Variants in GMFB observed in about 807,000 individuals in gnomAD.
GMFB encodes GMF-beta.
GMFB carries 13 observed loss-of-function variants against 25.6 expected under a neutral mutation model. The observed-to-expected ratio is 0.51, with a 90% CI of 0.33 to 0.81. GMFB has a LOEUF of 0.81. Ranked by LOEUF, GMFB falls within the 30% of genes least tolerant of loss-of-function variation. The pLI is 0.02. For missense variants in GMFB, 146 were observed against 175.4 expected (o/e 0.83, Z 0.95); for synonymous variants, 57 against 56.9 (o/e 1.00, Z 0.00).
At chr14:54,484,096 A>G in intron 1 of GMFB, 1 of 374,482 alleles carries the variant, frequency 2.7e-6, no homozygotes, top group South Asian at 2.3e-5. Flanking sequence ...GAAAGTCAAG[A>G]ATCACTGTCT....
At position 54,474,801 on chromosome 14, in the gene GMFB, C is replaced by T. The variant is rs776436368; in HGVS notation, c.*3287G>A. On this transcript the variant is annotated 3_prime_UTR_variant, in exon 7 of 7. Transcript: ENST00000358056. ...TTATAATCCAAAAAGCAATAAAATA[C>T]AATTTCTATCACAAGTTTACTGTAT... The T allele has an allele frequency of 2.0e-5, 3 of 152,588 alleles. No individual in the cohort carries two copies. Among genetic ancestry groups the T allele is most frequent in the Non-Finnish European group, 2.9e-5 (2 of 68,024 alleles). 9.5% of individuals were successfully genotyped at this position (152,588 alleles called of 1,614,324 possible).
intron 1 of GMFB, among the ~76,000 whole-genome samples, chr14:54,486,645 C>G (rs928410862): frequency 1.3e-5 from 2 of 152,180 alleles, no homozygotes; most frequent in Non-Finnish European, 2.9e-5. Flanking sequence ...TAATAGTTAA[C>G]ATGTATCAGA....
Position 54,474,499 on chromosome 14 carries a change from C to T in GMFB, c.*3589G>A, listed in dbSNP as rs1180902870. On this transcript the variant is annotated 3_prime_UTR_variant, in exon 7 of 7. Transcript: ENST00000358056. ...AAAGCTGGAAGTCTTTTAATGTTAA[C>T]ATTTTATTTAAACCAGTACAAGCAC... 2 of 152,572 alleles carry T rather than the reference C, an allele frequency of 1.3e-5. No homozygotes were observed. Among genetic ancestry groups the T allele is most frequent in the African/African-American group, 4.8e-5 (2 of 41,444 alleles). The allele number at this position is 152,572 out of a possible 1,614,324, so 9.5% of individuals were successfully genotyped here.
intron 5 of GMFB, 121 bp downstream of exon 5, chr14:54,480,753 C>T (rs1001555804): frequency 1.6e-5 from 10 of 628,970 alleles, no homozygotes; most frequent in Non-Finnish European, 1.7e-5. Flanking sequence ...TAGACACAGA[C>T]CCTCCTCAAT....
At chr14:54,484,783 A>G (rs978022449) in intron 1 of GMFB, among the ~76,000 whole-genome samples, 11 of 152,218 alleles carry the variant, frequency 7.2e-5, no homozygotes, top group Admixed American at 1.3e-4. Flanking sequence ...AAAATCCTTA[A>G]CAAAATACTA....
intron 1 of GMFB, among the ~76,000 whole-genome samples, chr14:54,488,380 AAAGAT>A (rs2031817891): frequency 6.6e-6 from 1 of 152,256 alleles, no homozygotes; most frequent in African/African-American, 2.4e-5. Flanking sequence ...ATAGGAAAGC[AAAGAT>A]AAGGAGAAAT....
chr14:54,488,059 A>G (rs2031812706), intron 1 of GMFB, among the ~76,000 whole-genome samples: 1 of 152,194 alleles, frequency 6.6e-6, no homozygotes, highest in South Asian at 2.1e-4. Flanking sequence ...CGAAAACTGA[A>G]AAGAATCCAT....
chr14:54,485,210 A>G (rs2031765787), intron 1 of GMFB, among the ~76,000 whole-genome samples: 1 of 152,138 alleles, frequency 6.6e-6, no homozygotes, highest in Non-Finnish European at 1.5e-5. Flanking sequence ...AAAGACATCC[A>G]AGTTAGAAAA....
At chr14:54,482,935 A>T (rs2031732101) in intron 2 of GMFB, among the ~76,000 whole-genome samples, 3 of 152,082 alleles carry the variant, frequency 2.0e-5, no homozygotes. Context: ...CCATATGTCG[A>T]CATTGCAGTA....
intron 5 of GMFB, chr14:54,480,138 T>C (rs374721333): frequency 6.7e-6 from 2 of 297,944 alleles, no homozygotes; most frequent in South Asian, 5.3e-5. Flanking sequence ...AATTAAAAAC[T>C]TTCTGCACTA....
rs1357266479 is a variant in GMFB, at chr14:54,480,938, A to G, written c.219T>C (p.Tyr73=). Reference sequence around the variant, plus strand: ...CTCTTCCATCATCATGTTGATATTTATAACTATACACAATGAAGGTTTTTC... The same window carrying G: ...CTCTTCCATCATCATGTTGATATTTGTAACTATACACAATGAAGGTTTTTC... ...ERQPRFIVYS[Y]KYQHDDGRVS... Residue 73 remains tyrosine, a synonymous_variant, in exon 5 of 7, where the codon TAT becomes TAC. Transcript: ENST00000358056. The G allele has an allele frequency of 2.0e-6, 3 of 1,505,046 alleles. No individual in the cohort carries two copies. The highest frequency in any genetic ancestry group is 2.8e-6 in the Non-Finnish European group (3 of 1,088,986). The allele number at this position is 1,505,046 out of a possible 1,614,324, so 93.2% of individuals were successfully genotyped here.
rs764555434 is a variant in GMFB, at chr14:54,477,297, C to T, written c.*791G>A. 6.6e-6 allele frequency: 1 copy of T among 152,376 alleles called. No individual in the cohort carries two copies. Among genetic ancestry groups the T allele is most frequent in the African/African-American group, 2.4e-5 (1 of 41,390 alleles). 9.4% of individuals were successfully genotyped at this position (152,376 alleles called of 1,614,324 possible). A position where few individuals can be genotyped will look rare whatever the true frequency, so the allele number is the denominator to read the frequency against. Reference sequence around the variant, plus strand: ...CTTTAAAGCTAACAAATCAAAGGCACAGTATTAACACATTTAAAATAATTA... The same window carrying T: ...CTTTAAAGCTAACAAATCAAAGGCATAGTATTAACACATTTAAAATAATTA... On this transcript the variant is annotated 3_prime_UTR_variant, in exon 7 of 7. Coordinates refer to ENST00000358056, the MANE Select transcript of GMFB (RefSeq NM_004124.3).
rs2031643834 is a variant in GMFB, at chr14:54,476,630, C to G, written c.*1458G>C. On this transcript the variant is annotated 3_prime_UTR_variant, in exon 7 of 7. Transcript: ENST00000358056. ...TAGTGAAGCCAAACAGTGTTGGGAA[C>G]AGAAGATGTTCTATTCAATATCGCA... 1 of 152,020 alleles carries G rather than the reference C, an allele frequency of 6.6e-6. No homozygotes were observed. Among genetic ancestry groups the G allele is most frequent in the South Asian group, 2.1e-4 (1 of 4,838 alleles). 9.4% of individuals were successfully genotyped at this position (152,020 alleles called of 1,614,324 possible). A position where few individuals can be genotyped will look rare whatever the true frequency, so the allele number is the denominator to read the frequency against.
In GMFB at chr14:54,480,376, C is replaced by G. The variant is rs1348616459; in HGVS notation, c.283+498G>C. ...CAGTGAATGCAGTTTTTATTGCAGGCCTGAACAGTGGTGATAGAAGTTCTG... is the reference window on the plus strand; with the variant it reads ...CAGTGAATGCAGTTTTTATTGCAGGGCTGAACAGTGGTGATAGAAGTTCTG... On this transcript the variant is annotated intron_variant, in intron 5 of 6. Coordinates refer to ENST00000358056, the MANE Select transcript of GMFB (RefSeq NM_004124.3). The G allele has an allele frequency of 1.9e-5, 3 of 159,980 alleles. No individual in the cohort carries two copies. In the East Asian group the frequency reaches 5.6e-4, roughly 30 times the overall value. The allele number at this position is 159,980 out of a possible 1,614,324, so 9.9% of individuals were successfully genotyped here. A position where few individuals can be genotyped will look rare whatever the true frequency, so the allele number is the denominator to read the frequency against.
chr14:54,486,634 A>G (rs909112424), intron 1 of GMFB, among the ~76,000 whole-genome samples: 11 of 152,228 alleles, frequency 7.2e-5, no homozygotes, highest in Non-Finnish European at 7.3e-5. Flanking sequence ...TTTAGTCCTA[A>G]TAATAGTTAA....
intron 2 of GMFB, 200 bp downstream of exon 2, chr14:54,483,471 G>A (rs2031740659): frequency 1.8e-6 from 1 of 551,282 alleles, no homozygotes; most frequent in Non-Finnish European, 3.2e-6. Flanking sequence ...AGGACTATGG[G>A]GGAGGTGGGA....
chr14:54,482,100 T>G (rs2031718939), intron 3 of GMFB, 53 bp downstream of exon 3: 1 of 1,145,116 alleles, frequency 8.7e-7, no homozygotes, highest in Admixed American at 1.8e-5. Context: ...TAGCATCTTT[T>G]GAGAAATAAT....
chr14:54,480,410 G>A (rs374054655), intron 5 of GMFB: 1 of 157,204 alleles, frequency 6.4e-6, no homozygotes, highest in Admixed American at 6.5e-5. Flanking sequence ...TGGTGATAAT[G>A]AATTCCTTAA....
In GMFB at chr14:54,476,358, T is replaced by A. The variant is rs2031640395; in HGVS notation, c.*1730A>T. On this transcript the variant is annotated 3_prime_UTR_variant, in exon 7 of 7. Transcript: ENST00000358056. ...AAAACAGGTGAAACAAAACCTCATT[T>A]CCTTCATTCAAAAACATTAAAAACA... 1 of 152,072 alleles carries A rather than the reference T, an allele frequency of 6.6e-6. No homozygotes were observed. Among genetic ancestry groups the A allele is most frequent in the African/African-American group, 2.4e-5 (1 of 41,440 alleles). The allele number at this position is 152,072 out of a possible 1,614,324, so 9.4% of individuals were successfully genotyped here. A position where few individuals can be genotyped will look rare whatever the true frequency, so the allele number is the denominator to read the frequency against.
Sources: gnomAD v4.1 joint callset for allele counts (sites outside exome capture counted in the v4.1 genomes callset) on GRCh38, gnomAD v4.1.1 for gene constraint, MANE v1.5 for transcripts, NCBI Gene and HGNC (gene_info 2026-07-23, HGNC 2026-07-21) for gene names.